GATA4: variants seen among roughly 807,000 people sequenced by gnomAD.
The protein encoded by GATA4 is transcription factor GATA-4.
GATA4 carries 7 observed loss-of-function variants against 37.9 expected under a neutral mutation model. The observed-to-expected ratio is 0.18, with a 90% confidence interval of 0.11 to 0.35. The LOEUF (loss-of-function observed/expected upper bound fraction) is 0.35. GATA4 is among the 10% of genes least tolerant of loss of function. The pLI, the probability that GATA4 is intolerant of heterozygous loss-of-function variation, is 1.00. For missense variants in GATA4, 647 were observed against 653.0 expected (o/e 0.99, Z 0.10); for synonymous variants, 372 against 292.6 (o/e 1.27, Z -2.77).
At position 11,693,550 on chromosome 8, in the gene GATA4, C is replaced by G. The variant is rs1450953154; in HGVS notation, c.-729+890C>G. Among the ~76,000 whole-genome samples, 271 of 115,592 alleles carry G rather than the reference C, an allele frequency of 2.3e-3. 2 individuals are homozygous for G. The highest frequency in any genetic ancestry group is 3.9e-3 in the Non-Finnish European group (219 of 56,860). The allele number at this position is 115,592 out of a possible 152,430, so 75.8% of individuals were successfully genotyped here. A position where few individuals can be genotyped will look rare whatever the true frequency, so the allele number is the denominator to read the frequency against. ...ACACACACACACACACACACACACACACACACACACACAGAGAGAGAGAGA... is the reference window on the plus strand; with the variant it reads ...ACACACACACACACACACACACACAGACACACACACACAGAGAGAGAGAGA... On this transcript the variant is annotated intron_variant, in intron 1 of 2. Coordinates refer to the GATA4 transcript ENST00000526974.
At chr8:11,682,998 G>C (rs944274427) in intron 1 of GATA4, 15 of 908,956 alleles carry the variant, frequency 1.7e-5, no homozygotes, top group Middle Eastern at 5.5e-4. Context: ...GAAAGTTCTG[G>C]GAAGAGTCTT....
At chr8:11,750,644 AAAGT>A (rs1802255269) in intron 4 of GATA4, among the ~76,000 whole-genome samples, 2 of 152,052 alleles carry the variant, frequency 1.3e-5, no homozygotes, top group Admixed American at 6.6e-5. Context: ...AAATAAACTA[AAAGT>A]AAGGCCAGGC....
chr8:11,703,695 T>G (rs1159677212), upstream of GATA4, among the ~76,000 whole-genome samples: 7 of 152,230 alleles, frequency 4.6e-5, no homozygotes, highest in Non-Finnish European at 1.5e-5. Context: ...TAGGAGGCAG[T>G]CTGGGTGTCT....
At chr8:11,741,951 C>A (rs1801759814) in intron 2 of GATA4, among the ~76,000 whole-genome samples, 1 of 152,104 alleles carries the variant, frequency 6.6e-6, no homozygotes, top group Admixed American at 6.5e-5. Context: ...GGGACGCTGG[C>A]CTGCGGTTAA....
upstream of GATA4, among the ~76,000 whole-genome samples, chr8:11,690,957 A>G (rs984171803): frequency 6.6e-6 from 1 of 152,252 alleles, no homozygotes; most frequent in Non-Finnish European, 1.5e-5. Flanking sequence ...TGAGTTCTGC[A>G]GTCAACCTAC....
chr8:11,744,142 GGTCA>G (rs1487627205), intron 2 of GATA4, among the ~76,000 whole-genome samples: 3 of 152,064 alleles, frequency 2.0e-5, no homozygotes, highest in Non-Finnish European at 4.4e-5. Flanking sequence ...GTTTAAGAAA[GGTCA>G]GATTCCCCAG....
At chr8:11,679,680 G>T (rs1198646187) in intron 1 of GATA4, among the ~76,000 whole-genome samples, 1 of 152,240 alleles carries the variant, frequency 6.6e-6, no homozygotes, top group Admixed American at 6.5e-5. Flanking sequence ...CGAGCCCTGA[G>T]TGGGCCGGGT....
intron 1 of GATA4, among the ~76,000 whole-genome samples, chr8:11,696,802 C>T (rs1276511614): frequency 6.6e-6 from 1 of 152,208 alleles, no homozygotes; most frequent in Non-Finnish European, 1.5e-5. Context: ...GCAGCAAAGA[C>T]AGAGTGCTCA....
intron 2 of GATA4, among the ~76,000 whole-genome samples, chr8:11,718,645 T>C (rs1800535991): frequency 6.6e-6 from 1 of 152,268 alleles, no homozygotes; most frequent in Non-Finnish European, 1.5e-5. Flanking sequence ...ATCAAAGCCA[T>C]GGGTTTTGGG....
chr8:11,728,255 T>C (rs2409806), intron 2 of GATA4, among the ~76,000 whole-genome samples: 111,468 of 152,264 alleles, frequency 0.73, 41,893 homozygotes, highest in African/African-American at 0.9. Flanking sequence ...TCCCAAAGTG[T>C]TGGGATTACA....
intron 2 of GATA4, among the ~76,000 whole-genome samples, chr8:11,747,037 C>A (rs1035397059): frequency 6.6e-6 from 1 of 152,196 alleles, no homozygotes; most frequent in African/African-American, 2.4e-5. Context: ...TAGCAAAATG[C>A]GCAACCTCAA....
upstream of GATA4, among the ~76,000 whole-genome samples, chr8:11,699,385 C>G (rs1237108780): frequency 6.6e-6 from 1 of 152,086 alleles, no homozygotes. Context: ...GCCTGTGTCA[C>G]CAAGAGAGAT....
At chr8:11,681,626 T>C (rs1798977223) in intron 1 of GATA4, 1 of 275,186 alleles carries the variant, frequency 3.6e-6, no homozygotes, top group South Asian at 1.4e-4. Context: ...TTTACTATTG[T>C]CTTGTGAACG....
At chr8:11,681,552 G>C (rs998640740) in intron 1 of GATA4, 13 of 733,934 alleles carry the variant, frequency 1.8e-5, no homozygotes, top group Middle Eastern at 6.8e-4. Context: ...TGTTTCTTTA[G>C]ATACTGAATA....
At chr8:11,683,430 C>A (rs534478059) in intron 1 of GATA4, among the ~76,000 whole-genome samples, 30 of 149,590 alleles carry the variant, frequency 2.0e-4, no homozygotes, top group Middle Eastern at 7.2e-3. Context: ...TTGGAGGTAT[C>A]GTTTTTTTTC....
intron 1 of GATA4, among the ~76,000 whole-genome samples, chr8:11,679,196 G>A (rs983811939): frequency 2.1e-5 from 3 of 144,438 alleles, no homozygotes; most frequent in Non-Finnish European, 4.6e-5. Flanking sequence ...GGGCACTTTC[G>A]CCTGAATTAT....
chr8:11,726,712 G>T (rs905369901), intron 2 of GATA4, among the ~76,000 whole-genome samples: 5 of 152,156 alleles, frequency 3.3e-5, no homozygotes, highest in Non-Finnish European at 7.4e-5. Context: ...GCCAGGCAAG[G>T]GAGATGAGGA....
At chr8:11,681,650 C>T (rs1798977801) in intron 1 of GATA4, among the ~76,000 whole-genome samples, 1 of 152,196 alleles carries the variant, frequency 6.6e-6, no homozygotes, top group Non-Finnish European at 1.5e-5. Flanking sequence ...CTTGTCTCCT[C>T]CTTGCCTTTT....
intron 2 of GATA4, among the ~76,000 whole-genome samples, chr8:11,732,550 T>C (rs1364061794): frequency 1.3e-5 from 2 of 152,200 alleles, no homozygotes; most frequent in Non-Finnish European, 2.9e-5. Flanking sequence ...CTAACTGCTA[T>C]TGCAAAACAA....
Sources: allele counts gnomAD v4.1 joint callset (sites outside exome capture counted in the v4.1 genomes callset), GRCh38; gene constraint gnomAD v4.1.1; transcripts MANE v1.5; gene names NCBI Gene and HGNC (gene_info 2026-07-23, HGNC 2026-07-21).